GRSF1: variants seen among roughly 807,000 people sequenced by gnomAD.
GRSF1 encodes the protein G-rich RNA sequence binding factor 1.
A neutral mutation model predicts 51.1 loss-of-function variants in GRSF1; 50 were observed. That is an observed-to-expected ratio of 0.98 (90% confidence interval 0.78 to 1.24). The LOEUF (loss-of-function observed/expected upper bound fraction) is 1.24. Among genes scored for constraint, GRSF1 ranks in the 50% most tolerant of loss-of-function variants. GRSF1 has a pLI of 0.00. For missense variants in GRSF1, 700 were observed against 639.7 expected (o/e 1.09, Z -1.02); for synonymous variants, 293 against 253.3 (o/e 1.16, Z -1.49).
intron 9 of GRSF1, among the ~76,000 whole-genome samples, chr4:70,823,508 G>C (rs761962939): frequency 1.4e-4 from 21 of 147,016 alleles, no homozygotes; most frequent in Non-Finnish European, 3.0e-4. Context: ...CCCCACATCT[G>C]AGAAGCCAGA....
chr4:70,839,383 G>A, intron 1 of GRSF1, 88 bp downstream of exon 1: 1 of 1,508,438 alleles, frequency 6.6e-7, no homozygotes, highest in South Asian at 1.2e-5. Context: ...TGCCCGCGAG[G>A]CGCACACGGA....
In GRSF1 at chr4:70,818,261, C is replaced by T. The variant is rs2148832004; in HGVS notation, c.*2626G>A. 6.6e-6 allele frequency: 1 copy of T among 152,318 alleles called. No individual in the cohort carries two copies. Among genetic ancestry groups the T allele is most frequent in the South Asian group, 2.1e-4 (1 of 4,822 alleles). The allele number at this position is 152,318 out of a possible 1,614,324, so 9.4% of individuals were successfully genotyped here. ...AAGTTGGCCAGGCTAATCTTGAACT[C>T]CTGACCTCAAGTGACCCACCATGGA... is the stretch of plus-strand genomic sequence containing the variant. On this transcript the variant is annotated 3_prime_UTR_variant, in exon 10 of 10. Transcript: ENST00000254799.
At chr4:70,834,457 T>C (rs543686676) in intron 2 of GRSF1, among the ~76,000 whole-genome samples, 28 of 152,312 alleles carry the variant, frequency 1.8e-4, no homozygotes, top group African/African-American at 3.4e-4. Flanking sequence ...CTTTTTGATA[T>C]GTATATATTA....
At chr4:70,833,003 A>G in intron 3 of GRSF1, 115 bp downstream of exon 3, 1 of 894,460 alleles carries the variant, frequency 1.1e-6, no homozygotes, top group Non-Finnish European at 1.7e-6. Flanking sequence ...ATCCTATAAA[A>G]GAATGCATTC....
At chr4:70,832,186 C>G in intron 4 of GRSF1, 121 bp downstream of exon 4, 1 of 617,950 alleles carries the variant, frequency 1.6e-6, no homozygotes. Context: ...GAAGAGCTCT[C>G]CCCTAAAGAA....
upstream of GRSF1, among the ~76,000 whole-genome samples, chr4:70,842,864 G>A (rs757124266): frequency 2.0e-5 from 3 of 151,986 alleles, no homozygotes; most frequent in East Asian, 3.9e-4. Context: ...GCGACATCCC[G>A]TATCTACTAA....
At chr4:70,829,497 T>C (rs1021891866) in intron 5 of GRSF1, among the ~76,000 whole-genome samples, 3 of 151,866 alleles carry the variant, frequency 2.0e-5, no homozygotes, top group Non-Finnish European at 4.4e-5. Flanking sequence ...TCTACAAAAA[T>C]ACAAAAATTA....
intron 6 of GRSF1, 128 bp downstream of exon 6, chr4:70,827,723 CA>C: frequency 1.5e-6 from 1 of 653,746 alleles, no homozygotes; most frequent in South Asian, 2.0e-5. Flanking sequence ...AGGCTGCAGT[CA>C]GCCGAGATCG....
At position 70,839,535 on chromosome 4, in the gene GRSF1, C is replaced by T. The variant is rs973815636; in HGVS notation, c.293G>A (p.Arg98His). 1.2e-5 allele frequency: 17 copies of T among 1,449,670 alleles called. No individual in the cohort carries two copies. The highest frequency in any genetic ancestry group is 4.5e-5 in the African/African-American group (3 of 66,864). The allele number at this position is 1,449,670 out of a possible 1,614,324, so 89.8% of individuals were successfully genotyped here. The change falls in exon 1 of 10, where the codon CGT (arginine) becomes CAT (histidine). Residue 98 changes from arginine (R) to histidine (H), a missense_variant. Arg to His is a conservative substitution (Grantham distance 29). Transcript: ENST00000254799. ...CAGCGACTGCGGCAGCAGAGAGGCA[C>T]GGAGGGCAGAGTAGGACGCGGCGGC... ...AAAAASYSAL[R>H]ASLLPQSLAA...
intron 9 of GRSF1, among the ~76,000 whole-genome samples, chr4:70,821,281 CG>C (rs1163604528): frequency 6.6e-6 from 1 of 152,014 alleles, no homozygotes; most frequent in Non-Finnish European, 1.5e-5. Context: ...AAAAATTAGC[CG>C]GGTGTGGTGG....
intron 7 of GRSF1, 81 bp from the exon 8 acceptor site, chr4:70,825,512 T>C (rs1239196079): frequency 8.9e-7 from 1 of 1,119,048 alleles, no homozygotes; most frequent in Non-Finnish European, 1.2e-6. Context: ...TCATCTTTCT[T>C]TCAGACTTTG....
At chr4:70,836,377 T>A (rs944069240) in intron 1 of GRSF1, 63 bp from the exon 2 acceptor site, 5 of 1,235,996 alleles carry the variant, frequency 4.0e-6, no homozygotes, top group African/African-American at 3.1e-5. Context: ...TGTAAAAAAA[T>A]TCTTAGAAAA....
chr4:70,839,798 C>G lies in GRSF1; in HGVS notation c.30G>C (p.Ala10=). The G allele has an allele frequency of 6.6e-7, 1 of 1,504,432 alleles. No individual in the cohort carries two copies. The highest frequency in any genetic ancestry group is 2.8e-5 in the East Asian group (1 of 36,072). The allele number at this position is 1,504,432 out of a possible 1,614,324, so 93.2% of individuals were successfully genotyped here. A position where few individuals can be genotyped will look rare whatever the true frequency, so the allele number is the denominator to read the frequency against. Reference sequence around the variant, plus strand: ...AGTTACAGCCGCAGCCCCGGAGCAGCGCCCCGAGTACCCAGCGCGTGCCGG... The same window carrying G: ...AGTTACAGCCGCAGCCCCGGAGCAGGGCCCCGAGTACCCAGCGCGTGCCGG... MAGTRWVLG[A]LLRGCGCNCS... is the part of the protein sequence containing the mutation. Residue 10 remains alanine (A), a synonymous_variant, in exon 1 of 10, where the codon GCG becomes GCC. Transcript: ENST00000254799.
intron 2 of GRSF1, among the ~76,000 whole-genome samples, chr4:70,835,748 T>C (rs538723150): frequency 2.0e-5 from 3 of 152,300 alleles, no homozygotes; most frequent in South Asian, 2.1e-4. Context: ...GCCCATACTA[T>C]GCAGTCTTAA....
rs1733467423 is a variant in GRSF1 at position 70,820,811 on chromosome 4, T to C, written c.*76A>G. The C allele has an allele frequency of 1.3e-5, 2 of 152,656 alleles. No homozygotes were observed. The highest frequency in any genetic ancestry group is 4.8e-5 in the African/African-American group (2 of 41,458). The allele number at this position is 152,656 out of a possible 1,614,324, so 9.5% of individuals were successfully genotyped here. On this transcript the variant is annotated 3_prime_UTR_variant, in exon 10 of 10. Transcript: ENST00000254799. ...AGTTGCTGCTAATAAACTGGAACTG[T>C]ATATCCCAAGTCCAAGAAAGATGTG... is the stretch of plus-strand genomic sequence containing the variant.
At chr4:70,832,600 A>C in intron 3 of GRSF1, 150 bp from the exon 4 acceptor site, 1 of 583,514 alleles carries the variant, frequency 1.7e-6, no homozygotes, top group Non-Finnish European at 3.0e-6. Context: ...AACAAATGAC[A>C]TTTATTGCAT....
chr4:70,839,773 A>G lies in GRSF1; in HGVS notation c.55T>C (p.Cys19Arg). Residue 19 changes from cysteine (C) to arginine (R), a missense_variant, in exon 1 of 10, where the codon TGC (cysteine) becomes CGC (arginine). Physicochemically the swap from Cys to Arg is radical, Grantham distance 180. Coordinates refer to ENST00000254799, the MANE Select transcript of GRSF1 (RefSeq NM_002092.4). Reference protein sequence around the residue: ...GALLRGCGCNCSSCRRTGAAC... With the variant: ...GALLRGCGCNRSSCRRTGAAC... ...GCGCCGGTGCGCCGGCAGCTGCTGC[A>G]GTTACAGCCGCAGCCCCGGAGCAGC... is the stretch of plus-strand genomic sequence containing the variant. The G allele has an allele frequency of 6.6e-7, 1 of 1,506,196 alleles. No homozygotes were observed. Among genetic ancestry groups the G allele is most frequent in the Non-Finnish European group, 8.8e-7 (1 of 1,134,594 alleles). The allele number at this position is 1,506,196 out of a possible 1,614,324, so 93.3% of individuals were successfully genotyped here. A position where few individuals can be genotyped will look rare whatever the true frequency, so the allele number is the denominator to read the frequency against.
At chr4:70,834,209 A>G (rs1326523330) in intron 2 of GRSF1, among the ~76,000 whole-genome samples, 1 of 152,158 alleles carries the variant, frequency 6.6e-6, no homozygotes, top group Non-Finnish European at 1.5e-5. Flanking sequence ...CAATGAGCCG[A>G]GATTGCGCTA....
At chr4:70,835,585 T>C (rs58962456) in intron 2 of GRSF1, among the ~76,000 whole-genome samples, 8,268 of 150,992 alleles carry the variant, frequency 0.055, 551 homozygotes, top group African/African-American at 0.16. Context: ...GCCTCCCAAG[T>C]AGCTGGGACT....
Sources: gnomAD v4.1 joint callset for allele counts (sites outside exome capture counted in the v4.1 genomes callset) on GRCh38, gnomAD v4.1.1 for gene constraint, MANE v1.5 for transcripts, NCBI Gene and HGNC (gene_info 2026-07-23, HGNC 2026-07-21) for gene names.